The following VWDE variants were observed in gnomAD, a reference collection of about 807,000 sequenced individuals.
VWDE encodes von Willebrand factor D and EGF domain-containing protein.
VWDE carries 207 observed loss-of-function variants against 178.4 expected under a neutral mutation model. That is an observed-to-expected ratio of 1.16 (90% CI 1.04 to 1.30). The LOEUF (loss-of-function observed/expected upper bound fraction) is 1.30, where lower values mean the gene tolerates loss of function less well. Among genes scored for constraint, VWDE ranks in the 50% most tolerant of loss-of-function variants. The pLI, the probability that VWDE is intolerant of heterozygous loss-of-function variation, is 0.00. For synonymous variants in VWDE, 738 were observed against 651.4 expected, an observed-to-expected ratio of 1.13 and a Z score of -2.02; for missense variants, 2,287 against 1,901.3, an observed-to-expected ratio of 1.20 and a Z score of -3.77.
intron 6 of VWDE, among the ~76,000 whole-genome samples, chr7:12,379,110 C>G (rs1783692694): frequency 6.6e-6 from 1 of 152,180 alleles, no homozygotes; most frequent in Non-Finnish European, 1.5e-5. Flanking sequence ...TGGGTCAATT[C>G]TACTCTAGTC....
intron 11 of VWDE, 66 bp downstream of exon 11, chr7:12,370,590 T>G (rs1357510846): frequency 6.5e-7 from 1 of 1,533,080 alleles, no homozygotes; most frequent in African/African-American, 1.4e-5. Context: ...AAAAGCAGAG[T>G]GTTGAGCCAC....
chr7:12,377,405 T>C (rs938377440), intron 7 of VWDE, among the ~76,000 whole-genome samples: 3 of 152,118 alleles, frequency 2.0e-5, no homozygotes, highest in African/African-American at 7.2e-5. Context: ...TGGGGATGAT[T>C]TGAAAAATCT....
chr7:12,394,164 C>T (rs972927556), intron 1 of VWDE, among the ~76,000 whole-genome samples: 6 of 152,126 alleles, frequency 3.9e-5, no homozygotes, highest in Admixed American at 6.6e-5. Context: ...TTCTCTACAA[C>T]CAGTTTCTCC....
At chr7:12,359,831 T>C (rs1437418928) in intron 15 of VWDE, 139 bp from the exon 16 acceptor site, 3 of 533,848 alleles carry the variant, frequency 5.6e-6, no homozygotes, top group South Asian at 3.2e-5. Context: ...TAATCGTAAG[T>C]GCATATGAGG....
intron 4 of VWDE, 139 bp downstream of exon 4, chr7:12,383,397 T>A: frequency 1.4e-6 from 1 of 702,738 alleles, no homozygotes; most frequent in Non-Finnish European, 2.3e-6. Context: ...ATAAAGTTAT[T>A]TTTATTTTTG....
Position 12,333,494 on chromosome 7 carries a change from A to G in VWDE, c.4729T>C (p.Ser1577Pro), listed in dbSNP as rs1261603320. 6.4e-7 allele frequency: 1 copy of G among 1,550,484 alleles called. No homozygotes were observed. The highest frequency in any genetic ancestry group is 2.0e-5 in the Admixed American group (1 of 50,882). The change falls in exon 28 of 29, where the codon TCT (serine) becomes CCT (proline). Residue 1577 changes from serine (S) to proline (P), a missense_variant. Physicochemically the swap from Ser to Pro is moderately conservative, Grantham distance 74. Transcript: ENST00000275358. ...PNVCSCRTEY[S>P]GVKCEKKIQI... Reference sequence around the variant, plus strand: ...ATTTTCTTCTCACATTTGACTCCAGAGTATTCAGTGCGGCAGGAACACACA... The same window carrying G: ...ATTTTCTTCTCACATTTGACTCCAGGGTATTCAGTGCGGCAGGAACACACA...
At chr7:12,393,533 C>A in intron 2 of VWDE, 61 bp downstream of exon 2, 1 of 1,342,448 alleles carries the variant, frequency 7.4e-7, no homozygotes, top group Admixed American at 2.9e-5. Flanking sequence ...TAAAAAGATA[C>A]AATTCTCATA....
intron 19 of VWDE, among the ~76,000 whole-genome samples, chr7:12,349,935 C>G (rs879413783): frequency 7.9e-5 from 12 of 151,438 alleles, no homozygotes; most frequent in Non-Finnish European, 1.6e-4. Context: ...GATTTTCTGG[C>G]AAAATAAAAA....
intron 18 of VWDE, among the ~76,000 whole-genome samples, chr7:12,353,426 G>GGA (rs397969109): frequency 2.6e-5 from 4 of 151,366 alleles, no homozygotes; most frequent in Non-Finnish European, 5.9e-5. Context: ...ATTTTGGGGG[G>GGA]ACGCAGTTCT....
chr7:12,393,282 G>T (rs1267089018), intron 2 of VWDE, among the ~76,000 whole-genome samples: 1 of 152,160 alleles, frequency 6.6e-6, no homozygotes, highest in Non-Finnish European at 1.5e-5. Context: ...ACCTGTGACT[G>T]TAAGAGCACT....
chr7:12,331,196 A>C lies in VWDE; in HGVS notation c.4760T>G (p.Ile1587Arg). The part of the protein sequence containing the change: ...SGVKCEKKIQ[I>R]RRH ...ACTTGATGCTACTCAATGGCGTCTT[A>C]TCTGTAGTAGGAAGAAGGAAATTGT... The change falls in exon 29 of 29, where the codon ATA becomes AGA. Residue 1587 changes from isoleucine (I) to arginine (R), a missense_variant and splice_region_variant. Coordinates refer to ENST00000275358, the MANE Select transcript of VWDE (RefSeq NM_001135924.3). 1 of 1,541,232 alleles carries C rather than the reference A, an allele frequency of 6.5e-7. No individual in the cohort carries two copies.
rs181540669 is a variant in VWDE, at chr7:12,377,855, T to C, written c.945A>G (p.Thr315=). Residue 315 remains threonine, a synonymous_variant, in exon 7 of 29, where the codon ACA becomes ACG. Transcript: ENST00000275358. ...TAAATTCAGAACAAATAATAGGAAC[T>C]GTGCTTTCTATCCTCAGGTAGTATT... ...GKEYYLRIES[T]VPIICSEFSE... is the part of the protein sequence containing the mutation. 1.3e-6 allele frequency: 2 copies of C among 1,528,956 alleles called. No individual in the cohort carries two copies. The highest frequency in any genetic ancestry group is 1.4e-5 in the African/African-American group (1 of 72,394). The allele number at this position is 1,528,956 out of a possible 1,614,324, so 94.7% of individuals were successfully genotyped here.
At chr7:12,399,213 T>C (rs945512438) in intron 1 of VWDE, among the ~76,000 whole-genome samples, 5 of 152,050 alleles carry the variant, frequency 3.3e-5, no homozygotes, top group African/African-American at 7.2e-5. Context: ...CACAATTAGA[T>C]TGAAAGTAAA....
At chr7:12,342,976 T>C (rs957030853) in intron 22 of VWDE, 107 bp downstream of exon 22, 2 of 741,296 alleles carry the variant, frequency 2.7e-6, no homozygotes, top group Admixed American at 2.8e-5. Flanking sequence ...ACTATCACAA[T>C]GTGTGTTCTT....
intron 19 of VWDE, among the ~76,000 whole-genome samples, chr7:12,348,618 A>C (rs1781748565): frequency 1.4e-5 from 2 of 147,680 alleles, no homozygotes; most frequent in South Asian, 4.3e-4. Context: ...ACACTTTTAT[A>C]TTGTTGGTGG....
rs1231314270 is a variant in VWDE at position 12,376,655 on chromosome 7, C to CT, written c.1024+1120dup. 2.0e-5 allele frequency among the ~76,000 whole-genome samples: 3 copies of CT among 152,162 alleles called. No individual in the cohort carries two copies. The East Asian group carries it at 5.8e-4, about 29-fold the overall frequency. On this transcript the variant is annotated intron_variant, in intron 7 of 28. Coordinates refer to ENST00000275358, the MANE Select transcript of VWDE (RefSeq NM_001135924.3). ...ACTATAGTAATATTTGCATAATACA[C>CT]TTTTCAGAGCTAACTTGAAGTAGAA...
At chr7:12,387,739 A>T (rs1043423733) in intron 3 of VWDE, among the ~76,000 whole-genome samples, 3 of 152,094 alleles carry the variant, frequency 2.0e-5, no homozygotes, top group African/African-American at 7.2e-5. Context: ...TAAAATGTTC[A>T]TGAGTGTTAC....
At chr7:12,335,944 T>C (rs1282219670) in intron 27 of VWDE, among the ~76,000 whole-genome samples, 197 bp downstream of exon 27, 9 of 152,302 alleles carry the variant, frequency 5.9e-5, no homozygotes, top group Admixed American at 3.3e-4. Flanking sequence ...ACTATTAATA[T>C]ATTATACTAC....
At chr7:12,373,463 A>G (rs1030131520) in intron 9 of VWDE, among the ~76,000 whole-genome samples, 3 of 151,980 alleles carry the variant, frequency 2.0e-5, no homozygotes, top group African/African-American at 7.2e-5. Context: ...GGCTGGCTCA[A>G]TGGTCTTCTC....
Sources: allele counts gnomAD v4.1 joint callset (sites outside exome capture counted in the v4.1 genomes callset), GRCh38; gene constraint gnomAD v4.1.1; transcripts MANE v1.5; gene names NCBI Gene and HGNC (gene_info 2026-07-23, HGNC 2026-07-21).